DNAH7: variants seen among roughly 807,000 people sequenced by gnomAD.
The protein encoded by DNAH7 is dynein axonemal heavy chain 7, also known as axonemal beta dynein heavy chain 7.
A neutral mutation model predicts 444.6 loss-of-function variants in DNAH7; 397 were observed. The observed-to-expected ratio is 0.89, with a 90% CI of 0.82 to 0.97. The LOEUF (loss-of-function observed/expected upper bound fraction) is 0.97, where lower values mean the gene tolerates loss of function less well. Among genes scored for constraint, DNAH7 ranks in the 50% least tolerant of loss-of-function variants. The probability of loss-of-function intolerance (pLI) is 0.00; values close to 1 mark genes in which losing one functional copy is unlikely to be tolerated. For synonymous variants in DNAH7, 1,636 were observed against 1,624.4 expected (o/e 1.01, Z -0.17); for missense variants, 4,902 against 4,800.8 (o/e 1.02, Z -0.62).
chr2:196,058,915 G>A lies in DNAH7; in HGVS notation c.16-799C>T, dbSNP rs187994902. Among the ~76,000 whole-genome samples, 186 of 152,254 alleles carry A rather than the reference G, an allele frequency of 1.2e-3. 2 individuals are homozygous for A. The highest frequency in any genetic ancestry group is 8.7e-3 in the Admixed American group (133 of 15,288). ...GAACAAATTGGCAGACTCACACTTC[G>A]AGATTTTACGACTTACTACAAAACT... On this transcript the variant is annotated intron_variant, in intron 1 of 64. Coordinates refer to ENST00000312428, the MANE Select transcript of DNAH7 (RefSeq NM_018897.3).
At chr2:195,875,644 A>G (rs1291961753) in intron 38 of DNAH7, 31 bp downstream of exon 38, 2 of 1,528,724 alleles carry the variant, frequency 1.3e-6, no homozygotes, top group African/African-American at 1.4e-5. Flanking sequence ...AGATTTTTCC[A>G]TCTTAGTAAT....
At chr2:195,791,303 T>C (rs1286725967) in intron 57 of DNAH7, among the ~76,000 whole-genome samples, 1 of 143,580 alleles carries the variant, frequency 7.0e-6, no homozygotes, top group African/African-American at 2.6e-5. Flanking sequence ...CCGTCTCTAC[T>C]AGAAATACAA....
chr2:196,020,572 T>G (rs189184754), intron 8 of DNAH7, among the ~76,000 whole-genome samples: 233 of 151,718 alleles, frequency 1.5e-3, no homozygotes, highest in African/African-American at 4.5e-3. Context: ...ATAACTTTTT[T>G]TGTGTGTGTG....
At position 195,787,058 on chromosome 2, in the gene DNAH7, A is replaced by G; in HGVS notation, c.10830T>C (p.Asp3610=). Residue 3610 remains aspartate (D), a synonymous_variant, in exon 58 of 65, where the codon GAT becomes GAC. Coordinates refer to ENST00000312428, the MANE Select transcript of DNAH7 (RefSeq NM_018897.3). ...WNIPYEFNET[D]LRISVQQLHM... is the part of the protein sequence containing the mutation. ...GGAGCTGCTGTACGCTGATTCTCAGATCTGTCTCATTGAACTCATAAGGAA... is the reference window on the plus strand; with the variant it reads ...GGAGCTGCTGTACGCTGATTCTCAGGTCTGTCTCATTGAACTCATAAGGAA... 1 of 1,610,758 alleles carries G rather than the reference A, an allele frequency of 6.2e-7. No individual in the cohort carries two copies. The highest frequency in any genetic ancestry group is 8.5e-7 in the Non-Finnish European group (1 of 1,179,142).
chr2:196,012,719 T>TA (rs1382725724), intron 10 of DNAH7, 68 bp downstream of exon 10: 15 of 1,528,884 alleles, frequency 9.8e-6, no homozygotes, highest in Admixed American at 2.0e-5. Flanking sequence ...TAAAAGCAGT[T>TA]AAAATGCAGT....
chr2:195,909,727 C>T (rs1435038424), intron 25 of DNAH7, among the ~76,000 whole-genome samples: 3 of 152,118 alleles, frequency 2.0e-5, no homozygotes. Context: ...ATCCCACGAC[C>T]TTTACACGAT....
chr2:195,862,213 A>G (rs535726584), intron 41 of DNAH7, among the ~76,000 whole-genome samples: 2 of 152,174 alleles, frequency 1.3e-5, no homozygotes, highest in Admixed American at 6.5e-5. Context: ...AGGAGAAAGG[A>G]AAGGCAAATG....
At chr2:195,986,583 T>C (rs1692926558) in intron 14 of DNAH7, among the ~76,000 whole-genome samples, 1 of 152,164 alleles carries the variant, frequency 6.6e-6, no homozygotes, top group Non-Finnish European at 1.5e-5. Flanking sequence ...TGAGTTTACT[T>C]AACATGGGTC....
intron 40 of DNAH7, among the ~76,000 whole-genome samples, chr2:195,871,347 G>A (rs950953175): frequency 6.6e-6 from 1 of 152,144 alleles, no homozygotes; most frequent in Admixed American, 6.5e-5. Context: ...CACCCAGGCT[G>A]AAGCGCAGTG....
chr2:195,839,577 C>T (rs1380104309), intron 47 of DNAH7, among the ~76,000 whole-genome samples: 1 of 151,654 alleles, frequency 6.6e-6, no homozygotes, highest in Non-Finnish European at 1.5e-5. Flanking sequence ...CAACCAAAGG[C>T]TTGTTCCTAT....
chr2:195,780,101 TACTC>T lies in DNAH7; in HGVS notation c.10879-2120_10879-2117del, dbSNP rs1695301823. 2.6e-5 allele frequency among the ~76,000 whole-genome samples: 4 copies of T among 152,318 alleles called. 1 individual carries two copies. In the South Asian group the frequency reaches 8.3e-4, roughly 32 times the overall value. ...CAATTTATTTTATCCTGAGCATAAA[TACTC>T]ACACACCCACTAGCAGTACAGAAAA... On this transcript the variant is annotated intron_variant, in intron 58 of 64. Transcript: ENST00000312428.
intron 5 of DNAH7, among the ~76,000 whole-genome samples, chr2:196,030,532 G>A (rs1216688916): frequency 6.6e-6 from 1 of 152,164 alleles, no homozygotes; most frequent in Non-Finnish European, 1.5e-5. Flanking sequence ...CCACAGTCCA[G>A]AGTCTCATCT....
intron 40 of DNAH7, among the ~76,000 whole-genome samples, chr2:195,867,991 G>A (rs1254099721): frequency 2.0e-5 from 3 of 151,174 alleles, no homozygotes; most frequent in Non-Finnish European, 4.4e-5. Context: ...TTAACCTTTT[G>A]ATGACCTACC....
intron 18 of DNAH7, among the ~76,000 whole-genome samples, chr2:195,959,498 C>T (rs1055977494): frequency 1.6e-4 from 24 of 152,154 alleles, no homozygotes; most frequent in Non-Finnish European, 2.6e-4. Context: ...GGCAGAAGGA[C>T]CAAACACAGA....
intron 63 of DNAH7, among the ~76,000 whole-genome samples, chr2:195,745,861 G>GT (rs1693368760): frequency 6.6e-6 from 1 of 152,150 alleles, no homozygotes; most frequent in African/African-American, 2.4e-5. Flanking sequence ...CACTAAACAT[G>GT]GAAAGAACAA....
At position 196,019,186 on chromosome 2, in the gene DNAH7, A is replaced by G; in HGVS notation, c.853T>C (p.Trp285Arg). 1 of 1,488,934 alleles carries G rather than the reference A, an allele frequency of 6.7e-7. No individual in the cohort carries two copies. The highest frequency in any genetic ancestry group is 2.4e-5 in the East Asian group (1 of 42,184). The allele number at this position is 1,488,934 out of a possible 1,614,324, so 92.2% of individuals were successfully genotyped here. A position where few individuals can be genotyped will look rare whatever the true frequency, so the allele number is the denominator to read the frequency against. The change falls in exon 9 of 65, where the codon TGG becomes CGG. Residue 285 changes from tryptophan (W) to arginine (R), a missense_variant. Transcript: ENST00000312428. ...TATACTCACTTAAAATTAGTGTGCC[A>G]CAAATCTAGTACAGCCAGCATTGTG... ...NPTMLAVLDL[W>R]HTNFKKLRLV...
chr2:195,840,726 T>C (rs1217301766), intron 47 of DNAH7, among the ~76,000 whole-genome samples: 1 of 151,812 alleles, frequency 6.6e-6, no homozygotes, highest in Non-Finnish European at 1.5e-5. Flanking sequence ...ATCTTTTAAG[T>C]ACCACACAGA....
chr2:195,849,545 C>T (rs1189867313), intron 46 of DNAH7, among the ~76,000 whole-genome samples: 3 of 152,136 alleles, frequency 2.0e-5, no homozygotes, highest in Non-Finnish European at 4.4e-5. Flanking sequence ...GGACAGATAG[C>T]ATTTCCAGTT....
chr2:195,746,786 C>G (rs904410110), intron 63 of DNAH7, among the ~76,000 whole-genome samples: 24 of 152,274 alleles, frequency 1.6e-4, no homozygotes, highest in Middle Eastern at 6.8e-3. Flanking sequence ...TAAAGATGTT[C>G]TTTGAAACCA....
Sources: allele counts gnomAD v4.1 joint callset (sites outside exome capture counted in the v4.1 genomes callset), GRCh38; gene constraint gnomAD v4.1.1; transcripts MANE v1.5; gene names NCBI Gene and HGNC (gene_info 2026-07-23, HGNC 2026-07-21).